SCPEP1: variants seen among roughly 807,000 people sequenced by gnomAD.
The protein encoded by SCPEP1 is serine carboxypeptidase 1, also known as retinoid-inducible serine carboxypeptidase.
A neutral mutation model predicts 63.8 loss-of-function variants in SCPEP1; 51 were observed. That is an observed-to-expected ratio of 0.80 (90% CI 0.64 to 1.01). The LOEUF is 1.01. SCPEP1 is among the 50% of genes least tolerant of loss of function. The pLI is 0.00. For missense variants in SCPEP1, 499 were observed against 554.9 expected (o/e 0.90, Z 1.01); for synonymous variants, 204 against 207.8 (o/e 0.98, Z 0.16).
chr17:56,999,913 C>T (rs528602656), intron 10 of SCPEP1, among the ~76,000 whole-genome samples: 19 of 148,956 alleles, frequency 1.3e-4, no homozygotes, highest in Non-Finnish European at 2.5e-4. Flanking sequence ...ACCCGAGAGG[C>T]AGAGATTGCG....
At chr17:56,986,147 C>G (rs942278753) in intron 3 of SCPEP1, among the ~76,000 whole-genome samples, 10 of 152,104 alleles carry the variant, frequency 6.6e-5, no homozygotes, top group African/African-American at 2.2e-4. Context: ...GCACCTATTG[C>G]TATGAATGTT....
At position 57,000,916 on chromosome 17, in the gene SCPEP1, T is replaced by C. The variant is rs980459229; in HGVS notation, c.1056T>C (p.Ile352=). 6.2e-7 allele frequency: 1 copy of C among 1,614,158 alleles called. No individual in the cohort carries two copies. Among genetic ancestry groups the C allele is most frequent in the Non-Finnish European group, 8.5e-7 (1 of 1,180,016 alleles). The part of the protein sequence containing the change: ...EEDFMKPVIS[I]VDELLEAGIN... ...ACTTCATGAAGCCAGTCATTAGCAT[T>C]GTGGACGAGTTGCTGGAGGCAGGGA... Residue 352 remains isoleucine (I), a synonymous_variant, in exon 11 of 13, where the codon ATT becomes ATC. Transcript: ENST00000262288.
chr17:56,983,454 A>G (rs1248741199), intron 2 of SCPEP1: 2 of 152,184 alleles, frequency 1.3e-5, no homozygotes, highest in East Asian at 3.8e-4. Context: ...TTTATTGCAT[A>G]TTGCATTATA....
Position 56,987,736 on chromosome 17 carries a change from C to T in SCPEP1, c.357C>T (p.Gly119=). 2 of 1,614,038 alleles carry T rather than the reference C, an allele frequency of 1.2e-6. No individual in the cohort carries two copies. The highest frequency in any genetic ancestry group is 1.7e-6 in the Non-Finnish European group (2 of 1,179,976). ...ASLLFVDNPV[G]TGFSYVNGSG... ...TCCTATTTGTGGATAATCCCGTGGG[C>T]ACTGGGTTCAGTTATGTGAATGGTA... Residue 119 remains glycine (G), a synonymous_variant, in exon 4 of 13, where the codon GGC becomes GGT. Transcript: ENST00000262288.
chr17:56,985,036 T>C (rs1911173985), intron 2 of SCPEP1: 2 of 281,408 alleles, frequency 7.1e-6, no homozygotes, highest in South Asian at 8.6e-5. Flanking sequence ...ACCCCAGAGG[T>C]AGAAGCTGTG....
intron 1 of SCPEP1, 73 bp from the exon 2 acceptor site, chr17:56,981,009 G>C: frequency 6.5e-7 from 1 of 1,536,562 alleles, no homozygotes; most frequent in Admixed American, 1.7e-5. Context: ...TAGCATGGCT[G>C]TCTCTACCAG....
At chr17:56,987,656 G>A in intron 3 of SCPEP1, 39 bp from the exon 4 acceptor site, 1 of 1,600,318 alleles carries the variant, frequency 6.2e-7, no homozygotes, top group Non-Finnish European at 8.5e-7. Flanking sequence ...GTGACCAAAT[G>A]TCTGATTGCA....
At chr17:56,989,146 T>C (rs1479405945) in intron 5 of SCPEP1, among the ~76,000 whole-genome samples, 1 of 152,070 alleles carries the variant, frequency 6.6e-6, no homozygotes. Context: ...GCTGTGATCA[T>C]GGCACTGCAC....
At chr17:56,979,110 G>A (rs1297311983) in intron 1 of SCPEP1, among the ~76,000 whole-genome samples, 1 of 152,156 alleles carries the variant, frequency 6.6e-6, no homozygotes, top group East Asian at 1.9e-4. Flanking sequence ...TAATGTTTTA[G>A]TCATCTGTTT....
In SCPEP1 at chr17:56,991,170, T is replaced by C; in HGVS notation, c.618T>C (p.Val206=). The C allele has an allele frequency of 6.2e-7, 1 of 1,613,058 alleles. No homozygotes were observed. Among genetic ancestry groups the C allele is most frequent in the Non-Finnish European group, 8.5e-7 (1 of 1,179,012 alleles). Residue 206 remains valine, a splice_region_variant and synonymous_variant, in exon 6 of 13, where the codon GTT becomes GTC. Transcript: ENST00000262288. ...VALGDSWISP[V]DSVLSWGPYL... The stretch of plus-strand genomic sequence containing the variant: ...TGGGTGATTCCTGGATCTCCCCTGT[T>C]GGTAAGTGTGGCATTTTCAGGCATT...
intron 6 of SCPEP1, among the ~76,000 whole-genome samples, chr17:56,992,861 G>C (rs561317571): frequency 6.6e-6 from 1 of 152,244 alleles, no homozygotes; most frequent in African/African-American, 2.4e-5. Flanking sequence ...TTCGCTTCCT[G>C]GCTTTGCAAG....
Position 56,980,992 on chromosome 17 carries a change from T to G in SCPEP1, c.77-90T>G. Reference sequence around the variant, plus strand: ...TTACCAAACTATAAAACAAATCATCTCTAGCCTAGCATGGCTGTCTCTACC... The same window carrying G: ...TTACCAAACTATAAAACAAATCATCGCTAGCCTAGCATGGCTGTCTCTACC... On this transcript the variant is annotated intron_variant, in intron 1 of 12. Coordinates refer to ENST00000262288, the MANE Select transcript of SCPEP1 (RefSeq NM_021626.3). 8.4e-6 allele frequency: 12 copies of G among 1,435,500 alleles called. No homozygotes were observed. In the South Asian group the frequency reaches 1.4e-4, roughly 16 times the overall value. 88.9% of individuals were successfully genotyped at this position (1,435,500 alleles called of 1,614,324 possible). A position where few individuals can be genotyped will look rare whatever the true frequency, so the allele number is the denominator to read the frequency against.
At position 57,000,998 on chromosome 17, in the gene SCPEP1, A is replaced by G; in HGVS notation, c.1132+6A>G. 1 of 1,614,180 alleles carries G rather than the reference A, an allele frequency of 6.2e-7. No homozygotes were observed. The highest frequency in any genetic ancestry group is 8.5e-7 in the Non-Finnish European group (1 of 1,180,010). On this transcript the variant is annotated splice_donor_region_variant and intron_variant, in intron 11 of 12. Transcript: ENST00000262288. ...TCTCATCGTAGATACCATGGGTAGGAATTGACTCTGAGAGGCACCTAGAGG... is the reference window on the plus strand; with the variant it reads ...TCTCATCGTAGATACCATGGGTAGGGATTGACTCTGAGAGGCACCTAGAGG...
intron 2 of SCPEP1, among the ~76,000 whole-genome samples, chr17:56,981,962 G>A (rs1458112903): frequency 1.3e-5 from 2 of 152,226 alleles, no homozygotes; most frequent in Non-Finnish European, 2.9e-5. Flanking sequence ...TGAAGGGACT[G>A]CTACAAGCCT....
chr17:56,981,898 C>G (rs1911079342), intron 2 of SCPEP1, among the ~76,000 whole-genome samples: 1 of 152,174 alleles, frequency 6.6e-6, no homozygotes, highest in Non-Finnish European at 1.5e-5. Context: ...CCCTTCCTCT[C>G]CATACAATCC....
At chr17:56,985,197 C>T in intron 2 of SCPEP1, 181 bp from the exon 3 acceptor site, 1 of 614,752 alleles carries the variant, frequency 1.6e-6, no homozygotes, top group Non-Finnish European at 2.9e-6. Context: ...AGAAAAACCT[C>T]AGCAGTTACT....
chr17:56,998,327 A>ATT, intron 9 of SCPEP1, 58 bp from the exon 10 acceptor site: 2 of 1,019,004 alleles, frequency 2.0e-6, no homozygotes, highest in Non-Finnish European at 3.0e-6. Context: ...AAAAAAAAAG[A>ATT]TGTCCTCTTG....
chr17:56,988,091 G>C (rs1046004900), intron 4 of SCPEP1, 125 bp from the exon 5 acceptor site: 15 of 810,360 alleles, frequency 1.9e-5, no homozygotes, highest in Admixed American at 5.1e-5. Flanking sequence ...ATGGAGTGGT[G>C]GGGGAGGAAG....
intron 9 of SCPEP1, 66 bp downstream of exon 9, chr17:56,997,121 TAA>T (rs369404186): frequency 4.7e-4 from 338 of 725,354 alleles, no homozygotes; most frequent in South Asian, 9.8e-4. Flanking sequence ...ACCTGTTTAT[TAA>T]AAAAAAAAAA....
Sources: allele counts gnomAD v4.1 joint callset (sites outside exome capture counted in the v4.1 genomes callset), GRCh38; gene constraint gnomAD v4.1.1; transcripts MANE v1.5; gene names NCBI Gene and HGNC (gene_info 2026-07-23, HGNC 2026-07-21).